IQGAP2: variants seen among roughly 807,000 people sequenced by gnomAD.
The protein encoded by IQGAP2 is IQ motif containing GTPase activating protein 2.
IQGAP2 carries 173 observed loss-of-function variants against 201.3 expected under a neutral mutation model. The observed-to-expected ratio is 0.86, with a 90% CI of 0.76 to 0.98. The LOEUF (loss-of-function observed/expected upper bound fraction) is 0.98, where lower values mean the gene tolerates loss of function less well. Among genes scored for constraint, IQGAP2 ranks in the 50% least tolerant of loss-of-function variants. The pLI, the probability that IQGAP2 is intolerant of heterozygous loss-of-function variation, is 0.00. For synonymous variants in IQGAP2, 675 were observed against 673.9 expected, an observed-to-expected ratio of 1.00 and a Z score of -0.03; for missense variants, 1,687 against 1,864.8, an observed-to-expected ratio of 0.90 and a Z score of 1.76.
chr5:76,573,942 T>A (rs1372327005), intron 4 of IQGAP2, among the ~76,000 whole-genome samples: 1 of 152,142 alleles, frequency 6.6e-6, no homozygotes, highest in Non-Finnish European at 1.5e-5. Flanking sequence ...TTCTCATTGA[T>A]ACTTTAGTAG....
intron 2 of IQGAP2, among the ~76,000 whole-genome samples, chr5:76,486,224 G>A (rs1756127096): frequency 6.6e-6 from 1 of 152,140 alleles, no homozygotes; most frequent in African/African-American, 2.4e-5. Flanking sequence ...AGTGCAAAAG[G>A]TTATAGTTTG....
In IQGAP2 at chr5:76,674,035, A is replaced by C; in HGVS notation, c.3293A>C (p.Lys1098Thr). 1 of 1,588,422 alleles carries C rather than the reference A, an allele frequency of 6.3e-7. No homozygotes were observed. The highest frequency in any genetic ancestry group is 8.6e-7 in the Non-Finnish European group (1 of 1,156,702). The change falls in exon 26 of 36, where the codon AAG becomes ACG. Residue 1098 changes from lysine to threonine, a missense_variant and splice_region_variant. Lys to Thr is a moderately conservative substitution (Grantham distance 78). Coordinates refer to ENST00000274364, the MANE Select transcript of IQGAP2 (RefSeq NM_006633.5). ...GATGCAACAGAAGATGAGCTATTAA[A>C]GGTAGATTTTCAAGGGTAATCTCAC... ...FPDATEDELL[K>T]IVGNLLYYRY... is the part of the protein sequence containing the mutation.
intron 5 of IQGAP2, among the ~76,000 whole-genome samples, chr5:76,586,000 A>G (rs1424939640): frequency 6.6e-6 from 1 of 152,102 alleles, no homozygotes; most frequent in South Asian, 2.1e-4. Context: ...TTTTTTCCCT[A>G]TGTAATAATG....
At chr5:76,681,067 G>T (rs899095214) in intron 28 of IQGAP2, among the ~76,000 whole-genome samples, 3 of 142,720 alleles carry the variant, frequency 2.1e-5, no homozygotes, top group Non-Finnish European at 4.5e-5. Context: ...TCCAGCCTGG[G>T]CAGCAGAGCG....
chr5:76,492,403 G>C (rs1756609682), intron 2 of IQGAP2, among the ~76,000 whole-genome samples: 2 of 152,316 alleles, frequency 1.3e-5, no homozygotes, highest in Admixed American at 6.5e-5. Flanking sequence ...GTAGCACTGG[G>C]ATATTGCCTT....
chr5:76,423,558 T>G (rs188911041), intron 1 of IQGAP2, among the ~76,000 whole-genome samples: 195 of 152,258 alleles, frequency 1.3e-3, no homozygotes, highest in African/African-American at 4.5e-3. Context: ...GAGGCGGAGT[T>G]TGCAGTGAGC....
intron 1 of IQGAP2, among the ~76,000 whole-genome samples, chr5:76,407,722 C>G (rs10942769): frequency 0.012 from 1,806 of 152,266 alleles, 39 homozygotes; most frequent in African/African-American, 0.041. Flanking sequence ...GCTTGTAATA[C>G]CGAGTTTGTT....
intron 1 of IQGAP2, among the ~76,000 whole-genome samples, chr5:76,404,879 A>C (rs1160099201): frequency 6.7e-6 from 1 of 149,180 alleles, no homozygotes; most frequent in Non-Finnish European, 1.5e-5. Flanking sequence ...TTGCAGTGCC[A>C]ACCTCAGGTG....
In IQGAP2 at chr5:76,646,835, TAA is replaced by T. The variant is rs369802168; in HGVS notation, c.2094+5733_2094+5734del. ...CATTATAATTTTATTCCTTTATATT[TAA>T]GTTTACTCATGTATATTTTTCTGCT... On this transcript the variant is annotated intron_variant, in intron 17 of 35. Coordinates refer to ENST00000274364, the MANE Select transcript of IQGAP2 (RefSeq NM_006633.5). 2.8e-3 allele frequency among the ~76,000 whole-genome samples: 434 copies of T among 152,328 alleles called. 1 individual carries two copies. The highest frequency in any genetic ancestry group is 1.0e-2 in the African/African-American group (415 of 41,590).
intron 33 of IQGAP2, among the ~76,000 whole-genome samples, chr5:76,698,687 C>G (rs1467452485): frequency 3.3e-5 from 5 of 151,988 alleles, no homozygotes; most frequent in Non-Finnish European, 5.9e-5. Context: ...TAATGAATAT[C>G]CTTTGCTTAG....
At chr5:76,425,709 G>A (rs1359414242) in intron 1 of IQGAP2, among the ~76,000 whole-genome samples, 1 of 152,110 alleles carries the variant, frequency 6.6e-6, no homozygotes, top group Non-Finnish European at 1.5e-5. Flanking sequence ...TCATCTGCTC[G>A]GATTTGACTA....
At chr5:76,477,311 A>G (rs1054785563) in intron 2 of IQGAP2, among the ~76,000 whole-genome samples, 4 of 152,246 alleles carry the variant, frequency 2.6e-5, no homozygotes, top group African/African-American at 9.6e-5. Context: ...ACTGCACTCC[A>G]TCCTGTGTGA....
At chr5:76,423,819 A>C (rs1471721370) in intron 1 of IQGAP2, among the ~76,000 whole-genome samples, 2 of 152,182 alleles carry the variant, frequency 1.3e-5, no homozygotes, top group Non-Finnish European at 2.9e-5. Context: ...GTTTAGAAGA[A>C]AGTAACTCAT....
chr5:76,416,318 C>T (rs1018148641), intron 1 of IQGAP2, among the ~76,000 whole-genome samples: 2 of 152,200 alleles, frequency 1.3e-5, no homozygotes, highest in African/African-American at 4.8e-5. Context: ...GAGCAGTGTA[C>T]AGGCAAAACA....
At chr5:76,547,894 C>T (rs1743191060) in intron 2 of IQGAP2, among the ~76,000 whole-genome samples, 1 of 152,186 alleles carries the variant, frequency 6.6e-6, no homozygotes, top group African/African-American at 2.4e-5. Context: ...TGTCACATCC[C>T]ACAGTAGTCT....
chr5:76,516,535 C>T (rs1758335200), intron 2 of IQGAP2, among the ~76,000 whole-genome samples: 1 of 151,822 alleles, frequency 6.6e-6, no homozygotes, highest in African/African-American at 2.4e-5. Flanking sequence ...CTTAATTCTC[C>T]AGGATAATAG....
intron 1 of IQGAP2, among the ~76,000 whole-genome samples, chr5:76,445,496 C>T (rs1753327785): frequency 6.8e-6 from 1 of 147,546 alleles, no homozygotes; most frequent in African/African-American, 2.5e-5. Context: ...TGGAGTTTCG[C>T]TCTTGTTGCC....
chr5:76,682,607 G>C lies in IQGAP2; in HGVS notation c.3661-508G>C, dbSNP rs534184956. ...TTTGGGCCTTCTTAGGATAAGGAAA[G>C]GGGAAACCACTCAGGACATCTAGGT... On this transcript the variant is annotated intron_variant, in intron 28 of 35. Transcript: ENST00000274364. 2.6e-5 allele frequency among the ~76,000 whole-genome samples: 4 copies of C among 152,262 alleles called. No individual in the cohort carries two copies. In the South Asian group the frequency reaches 8.3e-4, roughly 32 times the overall value.
At chr5:76,593,620 G>C (rs1746814659) in intron 9 of IQGAP2, among the ~76,000 whole-genome samples, 1 of 152,164 alleles carries the variant, frequency 6.6e-6, no homozygotes, top group Admixed American at 6.5e-5. Context: ...ATTTTTACTT[G>C]AGCATCAGAA....
Sources: gnomAD v4.1 joint callset for allele counts (sites outside exome capture counted in the v4.1 genomes callset) on GRCh38, gnomAD v4.1.1 for gene constraint, MANE v1.5 for transcripts, NCBI Gene and HGNC (gene_info 2026-07-23, HGNC 2026-07-21) for gene names.